The following PARD3B variants were observed in gnomAD, a reference collection of about 807,000 sequenced individuals.
PARD3B encodes par-3 family cell polarity regulator beta, also known as partitioning defective 3 homolog B.
In PARD3B, 103 loss-of-function variants were observed where a neutral mutation model predicts 130.2. The ratio of observed to expected loss-of-function variants is 0.79; its 90% CI spans 0.67 to 0.93. The LOEUF (loss-of-function observed/expected upper bound fraction) is 0.93, where lower values mean the gene tolerates loss of function less well. Ranked by LOEUF, PARD3B falls within the 40% of genes least tolerant of loss-of-function variation. The pLI is 0.00. For missense variants in PARD3B, 1,609 were observed against 1,499.2 expected, an observed-to-expected ratio of 1.07 and a Z score of -1.21; for synonymous variants, 583 against 553.2, an observed-to-expected ratio of 1.05 and a Z score of -0.76.
chr2:205,160,724 G>C lies in PARD3B; in HGVS notation c.1620+1817G>C, dbSNP rs1183795218. Among the ~76,000 whole-genome samples the C allele has an allele frequency of 6.6e-6, 1 of 152,190 alleles. No homozygotes were observed. Among genetic ancestry groups the C allele is most frequent in the East Asian group, 1.9e-4 (1 of 5,196 alleles). On this transcript the variant is annotated intron_variant, in intron 11 of 22. Coordinates refer to ENST00000406610, the MANE Select transcript of PARD3B (RefSeq NM_001302769.2). This position sits in a 1 kb window ranked among gnomAD's most constrained non-coding sequence, Gnocchi z 4.0. ...TAGTATATGCTGGACACTAGGATAG[G>C]TGTTTTATATGGGTTATCTAACTTT...
Position 205,584,042 on chromosome 2 carries a change from A to C in PARD3B, c.3260+30639A>C, listed in dbSNP as rs1340493487. On this transcript the variant is annotated intron_variant, in intron 22 of 22. Coordinates refer to ENST00000406610, the MANE Select transcript of PARD3B (RefSeq NM_001302769.2). The surrounding 1 kb of genome is among the most constrained non-coding windows in gnomAD (Gnocchi z 5.5). ...GGCATTTTCAAATATTTTATCTTGG[A>C]AACTTGATTTTCGAAGTATTTAGGA... Among the ~76,000 whole-genome samples, 3 of 152,252 alleles carry C rather than the reference A, an allele frequency of 2.0e-5. No homozygotes were observed. Among genetic ancestry groups the C allele is most frequent in the Non-Finnish European group, 4.4e-5 (3 of 68,044 alleles).
chr2:205,572,071 TAG>T lies in PARD3B; in HGVS notation c.3260+18673_3260+18674del, dbSNP rs2053578131. Among the ~76,000 whole-genome samples the T allele has an allele frequency of 6.6e-6, 1 of 152,284 alleles. No homozygotes were observed. Among genetic ancestry groups the T allele is most frequent in the East Asian group, 1.9e-4 (1 of 5,180 alleles). On this transcript the variant is annotated intron_variant, in intron 22 of 22. Coordinates refer to ENST00000406610, the MANE Select transcript of PARD3B (RefSeq NM_001302769.2). The surrounding 1 kb of genome is among the most constrained non-coding windows in gnomAD (Gnocchi z 4.2). Reference sequence around the variant, plus strand: ...TTCTGAAGTTCTATGAGCATGAAGGTAGAGAGTTGAGTCTTCATTTATTGATT... The same window carrying T: ...TTCTGAAGTTCTATGAGCATGAAGGTAGAGTTGAGTCTTCATTTATTGATT...
chr2:204,975,300 T>A (rs1692049744), intron 3 of PARD3B, among the ~76,000 whole-genome samples: 1 of 152,206 alleles, frequency 6.6e-6, no homozygotes, highest in South Asian at 2.1e-4. Flanking sequence ...TTGGCCAACT[T>A]TAATTTTATC....
intron 14 of PARD3B, among the ~76,000 whole-genome samples, chr2:205,191,320 G>A (rs2036388737): frequency 1.3e-5 from 2 of 152,078 alleles, no homozygotes; most frequent in South Asian, 4.1e-4. Flanking sequence ...ATTTTAAAGA[G>A]TCATAAATTC....
chr2:205,011,448 T>C lies in PARD3B; in HGVS notation c.395-36133T>C, dbSNP rs922386006. On this transcript the variant is annotated intron_variant, in intron 3 of 22. Coordinates refer to ENST00000406610, the MANE Select transcript of PARD3B (RefSeq NM_001302769.2). This position sits in a 1 kb window ranked among gnomAD's most constrained non-coding sequence, Gnocchi z 4.1. ...CAGAACAAGTGACTCGAGAGAGAAA[T>C]TAAGAGGGGCATGCTCTAAAGACAG... 3.3e-5 allele frequency among the ~76,000 whole-genome samples: 5 copies of C among 152,094 alleles called. No homozygotes were observed. Among genetic ancestry groups the C allele is most frequent in the Non-Finnish European group, 5.9e-5 (4 of 68,014 alleles).
intron 22 of PARD3B, among the ~76,000 whole-genome samples, chr2:205,573,784 A>G (rs990417188): frequency 6.6e-6 from 1 of 152,184 alleles, no homozygotes; most frequent in Non-Finnish European, 1.5e-5. Flanking sequence ...AACATCGATC[A>G]TTGATATGAA....
chr2:204,752,158 A>G (rs2040489710), intron 2 of PARD3B, among the ~76,000 whole-genome samples: 1 of 152,198 alleles, frequency 6.6e-6, no homozygotes, highest in Admixed American at 6.5e-5. Flanking sequence ...CTCATTTTAT[A>G]TATTGAGAAA....
chr2:205,363,127 A>T (rs2044459754), intron 18 of PARD3B, among the ~76,000 whole-genome samples: 1 of 152,172 alleles, frequency 6.6e-6, no homozygotes, highest in African/African-American at 2.4e-5. Flanking sequence ...TTCTCTTCGA[A>T]ATCAAGCACA....
At chr2:205,498,222 C>T (rs2050014603) in intron 20 of PARD3B, among the ~76,000 whole-genome samples, 1 of 142,226 alleles carries the variant, frequency 7.0e-6, no homozygotes, top group South Asian at 2.2e-4. Context: ...AAAAAACAGG[C>T]CAGGCGTGGT....
At chr2:204,934,801 G>C (rs2125785605) in intron 2 of PARD3B, among the ~76,000 whole-genome samples, 1 of 152,280 alleles carries the variant, frequency 6.6e-6, no homozygotes, top group African/African-American at 2.4e-5. Flanking sequence ...TTATTAGTCA[G>C]TTTGATAATT....
rs946126745 is a variant in PARD3B at position 205,132,798 on chromosome 2, T to C, written c.1434+7061T>C. 3.3e-5 allele frequency among the ~76,000 whole-genome samples: 5 copies of C among 152,172 alleles called. No individual in the cohort carries two copies. In the East Asian group the frequency reaches 9.6e-4, roughly 29 times the overall value. The stretch of plus-strand genomic sequence containing the variant: ...TAAAAATGAGGATAAAAGCAACACC[T>C]ACCTTGTAGGGTTGTGTGAGAATTA... On this transcript the variant is annotated intron_variant, in intron 10 of 22. Coordinates refer to ENST00000406610, the MANE Select transcript of PARD3B (RefSeq NM_001302769.2).
intron 18 of PARD3B, among the ~76,000 whole-genome samples, chr2:205,356,937 C>T (rs564188098): frequency 2.0e-5 from 3 of 149,832 alleles, no homozygotes; most frequent in Admixed American, 1.3e-4. Flanking sequence ...ATTCCAGTAA[C>T]AACAAACACA....
chr2:205,514,566 A>G (rs2106378940), intron 21 of PARD3B, among the ~76,000 whole-genome samples: 1 of 136,102 alleles, frequency 7.3e-6, no homozygotes, highest in East Asian at 2.2e-4. Flanking sequence ...TTTCTTGTTT[A>G]TATCTACATA....
intron 2 of PARD3B, among the ~76,000 whole-genome samples, chr2:204,766,495 T>A (rs2041154987): frequency 6.6e-6 from 1 of 152,128 alleles, no homozygotes; most frequent in Non-Finnish European, 1.5e-5. Flanking sequence ...TATTTTTTTC[T>A]AAATTGCACT....
At chr2:205,472,510 A>G (rs1440717889) in intron 20 of PARD3B, among the ~76,000 whole-genome samples, 2 of 152,220 alleles carry the variant, frequency 1.3e-5, no homozygotes, top group East Asian at 1.9e-4. Context: ...GCAATGATAT[A>G]TAACATATAA....
At chr2:205,113,412 G>GTGTA in intron 5 of PARD3B, 79 bp from the exon 6 acceptor site, 1 of 850,360 alleles carries the variant, frequency 1.2e-6, no homozygotes, top group African/African-American at 1.7e-5. Context: ...GTGTGTGTGT[G>GTGTA]TGTGTGTGTG....
At chr2:205,477,987 C>T (rs2049084640) in intron 20 of PARD3B, among the ~76,000 whole-genome samples, 1 of 152,174 alleles carries the variant, frequency 6.6e-6, no homozygotes, top group Non-Finnish European at 1.5e-5. Flanking sequence ...CCAGGGCTAG[C>T]CTTGGAGAAG....
chr2:204,547,085 T>G (rs1322506533), intron 1 of PARD3B, among the ~76,000 whole-genome samples: 1 of 152,234 alleles, frequency 6.6e-6, no homozygotes, highest in Non-Finnish European at 1.5e-5. Flanking sequence ...CTCTTAATAT[T>G]TGGTCTCGTG....
chr2:205,158,595 C>A lies in PARD3B; in HGVS notation c.1435-127C>A, dbSNP rs1180186731. The A allele has an allele frequency of 2.1e-6, 2 of 948,570 alleles. No homozygotes were observed. Among genetic ancestry groups the A allele is most frequent in the African/African-American group, 1.6e-5 (1 of 60,656 alleles). 58.8% of individuals were successfully genotyped at this position (948,570 alleles called of 1,614,324 possible). A position where few individuals can be genotyped will look rare whatever the true frequency, so the allele number is the denominator to read the frequency against. On this transcript the variant is annotated intron_variant, in intron 10 of 22. Coordinates refer to ENST00000406610, the MANE Select transcript of PARD3B (RefSeq NM_001302769.2). This position sits in a 1 kb window ranked among gnomAD's most constrained non-coding sequence, Gnocchi z 5.4. The stretch of plus-strand genomic sequence containing the variant: ...AAACCCAGCCTTTGCCTGCCAGGAG[C>A]CGATTACAGCTGTGAGAGGTCCAGT...
Sources: allele counts gnomAD v4.1 joint callset (sites outside exome capture counted in the v4.1 genomes callset), GRCh38; gene constraint gnomAD v4.1.1; non-coding constraint Gnocchi (gnomAD v3.1); transcripts MANE v1.5; gene names NCBI Gene and HGNC (gene_info 2026-07-23, HGNC 2026-07-21).